FGF14: variants seen among roughly 807,000 people sequenced by gnomAD.
The protein encoded by FGF14 is fibroblast growth factor homologous factor 4.
FGF14 carries 5 observed loss-of-function variants against 25.5 expected under a neutral mutation model. That is an observed-to-expected ratio of 0.20 (90% CI 0.10 to 0.41). FGF14 has a LOEUF of 0.41. Ranked by LOEUF, FGF14 falls within the 10% of genes least tolerant of loss-of-function variation. The pLI, the probability that FGF14 is intolerant of heterozygous loss-of-function variation, is 1.00. For synonymous variants in FGF14, 138 were observed against 118.3 expected (o/e 1.17, Z -1.08); for missense variants, 222 against 320.1 (o/e 0.69, Z 2.34).
chr13:101,756,966 A>G (rs1417290911), intron 3 of FGF14, among the ~76,000 whole-genome samples: 5 of 152,210 alleles, frequency 3.3e-5, no homozygotes, highest in African/African-American at 9.6e-5. Flanking sequence ...TTGAGTTGAA[A>G]TTTTAAGTAC....
chr13:101,940,233 G>GA (rs1401341659), intron 1 of FGF14, among the ~76,000 whole-genome samples: 1 of 152,232 alleles, frequency 6.6e-6, no homozygotes, highest in Non-Finnish European at 1.5e-5. Flanking sequence ...GAATACAGGA[G>GA]AAAGTGAAGA....
chr13:101,891,375 A>G (rs2046259250), intron 1 of FGF14, among the ~76,000 whole-genome samples: 1 of 152,174 alleles, frequency 6.6e-6, no homozygotes, highest in Admixed American at 6.6e-5. Context: ...GTGCCATCCC[A>G]GAATACTTTA....
intron 1 of FGF14, among the ~76,000 whole-genome samples, chr13:102,319,455 A>G (rs1398920731): frequency 2.0e-5 from 3 of 152,236 alleles, no homozygotes; most frequent in East Asian, 1.9e-4. Flanking sequence ...GCCTTCCCCC[A>G]TCCCTCTCTG....
chr13:101,742,768 A>G (rs530785270), intron 3 of FGF14, among the ~76,000 whole-genome samples: 13 of 152,266 alleles, frequency 8.5e-5, no homozygotes, highest in African/African-American at 2.4e-4. Context: ...CTATTCCTAA[A>G]TAAGATAGTT....
intron 3 of FGF14, among the ~76,000 whole-genome samples, chr13:101,836,617 T>C (rs1223297123): frequency 6.6e-6 from 1 of 152,100 alleles, no homozygotes; most frequent in Non-Finnish European, 1.5e-5. Flanking sequence ...AAAAAATACA[T>C]ATTTTGCACG....
chr13:102,210,592 T>C (rs918356621), intron 1 of FGF14, among the ~76,000 whole-genome samples: 2 of 152,118 alleles, frequency 1.3e-5, no homozygotes, highest in Admixed American at 1.3e-4. Flanking sequence ...AGTACCTGTT[T>C]TTAAAGTCCC....
intron 1 of FGF14, among the ~76,000 whole-genome samples, chr13:102,202,347 A>G (rs1201002979): frequency 1.3e-5 from 2 of 152,226 alleles, no homozygotes; most frequent in African/African-American, 2.4e-5. Flanking sequence ...ATTGATGAGA[A>G]GAAGTGGTAT....
At chr13:102,174,931 TA>T (rs908952673) in intron 1 of FGF14, among the ~76,000 whole-genome samples, 14 of 148,892 alleles carry the variant, frequency 9.4e-5, no homozygotes, top group Non-Finnish European at 1.5e-4. Context: ...AAGTTGAAAT[TA>T]AAAAAAAAAG....
chr13:101,746,089 A>C (rs1426707520), intron 3 of FGF14, among the ~76,000 whole-genome samples: 1 of 152,072 alleles, frequency 6.6e-6, no homozygotes, highest in African/African-American at 2.4e-5. Flanking sequence ...CAGAAATTTT[A>C]AATGGCCTGC....
intron 3 of FGF14, among the ~76,000 whole-genome samples, chr13:101,817,342 C>T (rs184435159): frequency 6.6e-6 from 1 of 151,954 alleles, no homozygotes; most frequent in African/African-American, 2.4e-5. Context: ...TCTTTAAATA[C>T]CTGAAACAGC....
chr13:102,082,630 T>C (rs924566183), intron 1 of FGF14, among the ~76,000 whole-genome samples: 1 of 152,154 alleles, frequency 6.6e-6, no homozygotes, highest in African/African-American at 2.4e-5. Context: ...AAGTATAATA[T>C]TCCAAACTCA....
intron 1 of FGF14, among the ~76,000 whole-genome samples, chr13:102,020,045 C>T (rs2040554116): frequency 6.6e-6 from 1 of 152,068 alleles, no homozygotes; most frequent in Admixed American, 6.5e-5. Context: ...ACAATACACT[C>T]ATTAATTTAT....
intron 1 of FGF14, among the ~76,000 whole-genome samples, chr13:102,127,432 T>C (rs1177750522): frequency 6.6e-6 from 1 of 152,106 alleles, no homozygotes; most frequent in Non-Finnish European, 1.5e-5. Flanking sequence ...AACCACTAAG[T>C]TGTAACGCAA....
intron 1 of FGF14, among the ~76,000 whole-genome samples, chr13:102,058,659 T>C (rs1459236084): frequency 6.6e-6 from 1 of 152,194 alleles, no homozygotes; most frequent in Non-Finnish European, 1.5e-5. Context: ...CACATTAATA[T>C]GCATTTTTTC....
chr13:101,967,480 T>C (rs964252658), intron 1 of FGF14, among the ~76,000 whole-genome samples: 8 of 152,210 alleles, frequency 5.3e-5, no homozygotes, highest in African/African-American at 1.9e-4. Flanking sequence ...AGTGAGAACA[T>C]TTATGCTGTG....
chr13:102,162,739 G>C (rs1351458962), intron 1 of FGF14, among the ~76,000 whole-genome samples: 1 of 152,194 alleles, frequency 6.6e-6, no homozygotes. Flanking sequence ...AGCCATAGCT[G>C]TTTCTCTGGG....
At chr13:102,121,990 G>T (rs1297352496) in intron 1 of FGF14, among the ~76,000 whole-genome samples, 1 of 152,132 alleles carries the variant, frequency 6.6e-6, no homozygotes, top group Non-Finnish European at 1.5e-5. Context: ...GAAATCAAAC[G>T]TAAATTGACA....
chr13:101,760,536 G>T (rs1276453890), intron 3 of FGF14, among the ~76,000 whole-genome samples: 1 of 152,156 alleles, frequency 6.6e-6, no homozygotes, highest in Non-Finnish European at 1.5e-5. Context: ...TCAAAGAACT[G>T]TTCATGCTGT....
At chr13:102,071,622 G>A (rs1011358469) in intron 1 of FGF14, among the ~76,000 whole-genome samples, 9 of 152,058 alleles carry the variant, frequency 5.9e-5, no homozygotes, top group East Asian at 1.9e-4. Flanking sequence ...CAGTTTTTCC[G>A]GATGTAATAG....
Sources: allele counts gnomAD v4.1 joint callset (sites outside exome capture counted in the v4.1 genomes callset), GRCh38; gene constraint gnomAD v4.1.1; transcripts MANE v1.5; gene names NCBI Gene and HGNC (gene_info 2026-07-23, HGNC 2026-07-21).